Variants in SLC6A4 observed in about 807,000 individuals in gnomAD.
The protein encoded by SLC6A4 is solute carrier family 6 member 4.
In SLC6A4, 22 loss-of-function variants were observed where a neutral mutation model predicts 73.4. That is an observed-to-expected ratio of 0.30 (90% CI 0.21 to 0.43). The LOEUF (loss-of-function observed/expected upper bound fraction) is 0.43, where lower values mean the gene tolerates loss of function less well. Ranked by LOEUF, SLC6A4 falls within the 20% of genes least tolerant of loss-of-function variation. The pLI, the probability that SLC6A4 is intolerant of heterozygous loss-of-function variation, is 1.00. For missense variants in SLC6A4, 593 were observed against 808.5 expected, an observed-to-expected ratio of 0.73 and a Z score of 3.23; for synonymous variants, 270 against 315.5, an observed-to-expected ratio of 0.86 and a Z score of 1.53.
rs749582903 is a variant in SLC6A4, at chr17:30,209,346, TCC to T, written c.1450-106_1450-105del. 62 of 737,384 alleles carry T rather than the reference TCC, an allele frequency of 8.4e-5. No homozygotes were observed. In the East Asian group the frequency reaches 9.0e-4, roughly 11 times the overall value. The allele number at this position is 737,384 out of a possible 1,614,324, so 45.7% of individuals were successfully genotyped here. ...CTCACTTAGAATCATTCTGGAAAAA[TCC>T]CACCTGGGACCGAACGTGAGTACCC... is the stretch of plus-strand genomic sequence containing the variant. On this transcript the variant is annotated intron_variant, in intron 11 of 14. Coordinates refer to ENST00000650711, the MANE Select transcript of SLC6A4 (RefSeq NM_001045.6).
At chr17:30,221,493 C>A in intron 3 of SLC6A4, 123 bp downstream of exon 3, 1 of 726,082 alleles carries the variant, frequency 1.4e-6, no homozygotes. Flanking sequence ...CACAGCCCAT[C>A]CCAGGTCACA....
rs1277908759 is a variant in SLC6A4, at chr17:30,221,731, T to C, written c.228A>G (p.Gln76=). The part of the protein sequence containing the change: ...TTTTLVAELH[Q]GERETWGKKV... ...TCTTGCCCCAGGTCTCCCGTTCCCC[T>C]TGATGAAGCTCAGCCACTAGGGTGG... is the stretch of plus-strand genomic sequence containing the variant. Residue 76 remains glutamine, a synonymous_variant, in exon 3 of 15, where the codon CAA becomes CAG. Coordinates refer to ENST00000650711, the MANE Select transcript of SLC6A4 (RefSeq NM_001045.6). 1 of 1,614,148 alleles carries C rather than the reference T, an allele frequency of 6.2e-7. No homozygotes were observed. Among genetic ancestry groups the C allele is most frequent in the Non-Finnish European group, 8.5e-7 (1 of 1,180,018 alleles).
chr17:30,231,097 T>C (rs1907098705), intron 1 of SLC6A4, among the ~76,000 whole-genome samples: 1 of 152,106 alleles, frequency 6.6e-6, no homozygotes, highest in Non-Finnish European at 1.5e-5. Context: ...AATGGGAATA[T>C]GAGCTGTATG....
intron 1 of SLC6A4, among the ~76,000 whole-genome samples, chr17:30,230,140 G>GGAA (rs1331101428): frequency 2.0e-5 from 3 of 151,278 alleles, no homozygotes; most frequent in African/African-American, 2.4e-5. Context: ...AGGAGGAGGA[G>GGAA]GAGGAGGAGG....
chr17:30,211,448 G>T lies in SLC6A4; in HGVS notation c.1205-24C>A. On this transcript the variant is annotated intron_variant, in intron 9 of 14. Transcript: ENST00000650711. This position sits in a 1 kb window ranked among gnomAD's most constrained non-coding sequence, Gnocchi z 4.0. The stretch of plus-strand genomic sequence containing the variant: ...ACCTGAGACAGAGGGGAGAGAGGAG[G>T]AGGTGGTTGACAAGACCTGTCCTAC... 6.8e-7 allele frequency: 1 copy of T among 1,480,244 alleles called. No homozygotes were observed. The highest frequency in any genetic ancestry group is 9.5e-7 in the Non-Finnish European group (1 of 1,058,046). The allele number at this position is 1,480,244 out of a possible 1,614,324, so 91.7% of individuals were successfully genotyped here. A position where few individuals can be genotyped will look rare whatever the true frequency, so the allele number is the denominator to read the frequency against.
At chr17:30,205,334 TAAACAAAC>T (rs557648255) in intron 13 of SLC6A4, among the ~76,000 whole-genome samples, 9 of 152,224 alleles carry the variant, frequency 5.9e-5, no homozygotes, top group Admixed American at 3.3e-4. Flanking sequence ...AATATGGAAG[TAAACAAAC>T]AAACAAACAA....
chr17:30,209,008 CT>C lies in SLC6A4; in HGVS notation c.1549+134del, dbSNP rs1421514442. ...TGAGCCACCGCGCCTGGCCGAGACT[CT>C]TTTACAGACCCATCATCGGGAGGTC... On this transcript the variant is annotated intron_variant, in intron 12 of 14. Coordinates refer to ENST00000650711, the MANE Select transcript of SLC6A4 (RefSeq NM_001045.6). The C allele has an allele frequency of 3.5e-5, 21 of 603,232 alleles. No individual in the cohort carries two copies. In the Admixed American group the frequency reaches 4.7e-4, roughly 13 times the overall value. 37.4% of individuals were successfully genotyped at this position (603,232 alleles called of 1,614,324 possible). A position where few individuals can be genotyped will look rare whatever the true frequency, so the allele number is the denominator to read the frequency against.
chr17:30,203,302 A>T lies in SLC6A4; in HGVS notation c.1688T>A (p.Leu563Gln). The T allele has an allele frequency of 1.2e-6, 2 of 1,614,138 alleles. No homozygotes were observed. Among genetic ancestry groups the T allele is most frequent in the Non-Finnish European group, 1.7e-6 (2 of 1,179,954 alleles). ...ICSFLMSPPQ[L>Q]RLFQYNYPYW... The stretch of plus-strand genomic sequence containing the variant: ...AGGATAATTATATTGGAAAAGTCGT[A>T]GTTGTGGCGGGCTCATCAGAAAACT... The change falls in exon 14 of 15, where the codon CTA (leucine) becomes CAA (glutamine). Residue 563 changes from leucine (L) to glutamine (Q), a missense_variant. Physicochemically the swap from Leu to Gln is moderately radical, Grantham distance 113. Transcript: ENST00000650711.
chr17:30,228,801 G>A (rs56404307), intron 1 of SLC6A4, among the ~76,000 whole-genome samples: 121 of 152,242 alleles, frequency 7.9e-4, no homozygotes, highest in Admixed American at 6.2e-3. Flanking sequence ...TTTGTCACTC[G>A]CCATTGATTA....
intron 1 of SLC6A4, among the ~76,000 whole-genome samples, chr17:30,229,815 T>A (rs1907031205): frequency 6.6e-6 from 1 of 151,832 alleles, no homozygotes; most frequent in Admixed American, 6.6e-5. Context: ...GAGGTCAGAG[T>A]TCGAGACCAG....
rs1907225534 is a variant in SLC6A4 at position 30,235,017 on chromosome 17, T to C, written c.-221+596A>G. ...TCCTTCAACCACGTAGCACAGTCGT[T>C]GGAGTTGGAGTTTCACATACATTCT... On this transcript the variant is annotated intron_variant, in intron 1 of 14. Coordinates refer to ENST00000650711, the MANE Select transcript of SLC6A4 (RefSeq NM_001045.6). The surrounding 1 kb of genome is among the most constrained non-coding windows in gnomAD (Gnocchi z 4.5). Among the ~76,000 whole-genome samples, 4 of 152,084 alleles carry C rather than the reference T, an allele frequency of 2.6e-5. No individual in the cohort carries two copies. The highest frequency in any genetic ancestry group is 2.6e-4 in the Admixed American group (4 of 15,278).
In SLC6A4 at chr17:30,221,686, T is replaced by C. The variant is rs1378720744; in HGVS notation, c.273A>G (p.Ser91=). 6.2e-7 allele frequency: 1 copy of C among 1,614,132 alleles called. No homozygotes were observed. The highest frequency in any genetic ancestry group is 8.5e-7 in the Non-Finnish European group (1 of 1,180,004). ...CCAGGTCCACAGCATAGCCAATCAC[T>C]GAGAGAAGGAAATCCACCTTCTTGC... ...TWGKKVDFLL[S]VIGYAVDLGN... is the part of the protein sequence containing the mutation. The change falls in exon 3 of 15, where the codon TCA becomes TCG. Residue 91 remains serine, a synonymous_variant. Coordinates refer to ENST00000650711, the MANE Select transcript of SLC6A4 (RefSeq NM_001045.6).
chr17:30,230,125 G>GGAA lies in SLC6A4; in HGVS notation c.-221+5487_-221+5488insTTC, dbSNP rs1378152730. On this transcript the variant is annotated intron_variant, in intron 1 of 14. Transcript: ENST00000650711. ...AGGAAGAGGAAGAGGAAGAGGAAGA[G>GGAA]GAGGAGGAGGAGGAGGAGGAGGAGG... Among the ~76,000 whole-genome samples, 470 of 135,612 alleles carry GGAA rather than the reference G, an allele frequency of 3.5e-3. 4 individuals carry two copies. The highest frequency in any genetic ancestry group is 0.014 in the East Asian group (64 of 4,488). The allele number at this position is 135,612 out of a possible 152,430, so 89.0% of individuals were successfully genotyped here. A position where few individuals can be genotyped will look rare whatever the true frequency, so the allele number is the denominator to read the frequency against.
rs146979290 is a variant in SLC6A4, at chr17:30,215,152, C to T, written c.1076+459G>A. ...AAGATCTCAGCTCACTGCAACTTCTCGTGCCTCAGCCTCCCAAGTGGCTGT... is the reference window on the plus strand; with the variant it reads ...AAGATCTCAGCTCACTGCAACTTCTTGTGCCTCAGCCTCCCAAGTGGCTGT... On this transcript the variant is annotated intron_variant, in intron 8 of 14. Transcript: ENST00000650711. Among the ~76,000 whole-genome samples the T allele has an allele frequency of 7.6e-3, 1,157 of 152,050 alleles. 20 individuals carry two copies. Among genetic ancestry groups the T allele is most frequent in the African/African-American group, 0.027 (1,101 of 41,452 alleles).
intron 14 of SLC6A4, among the ~76,000 whole-genome samples, chr17:30,198,868 G>A (rs939540959): frequency 6.6e-6 from 1 of 152,274 alleles, no homozygotes; most frequent in East Asian, 1.9e-4. Context: ...TCTCTGGACA[G>A]AGGAGACTTC....
intron 1 of SLC6A4, among the ~76,000 whole-genome samples, chr17:30,232,887 C>T (rs1907155557): frequency 6.6e-6 from 1 of 152,226 alleles, no homozygotes; most frequent in Non-Finnish European, 1.5e-5. Flanking sequence ...CCAAAGTCAG[C>T]ACCGTGAGCT....
At chr17:30,214,654 A>AC (rs1906497937) in intron 8 of SLC6A4, among the ~76,000 whole-genome samples, 1 of 85,360 alleles carries the variant, frequency 1.2e-5, no homozygotes, top group Non-Finnish European at 2.2e-5. Flanking sequence ...TTTTTTTTTG[A>AC]TGGAATCTCA....
At chr17:30,221,491 A>C (rs1597642682) in intron 3 of SLC6A4, 125 bp downstream of exon 3, 3 of 426,166 alleles carry the variant, frequency 7.0e-6, no homozygotes, top group Non-Finnish European at 7.6e-6. Context: ...GTCACAGCCC[A>C]TCCCAGGTCA....
intron 13 of SLC6A4, 132 bp downstream of exon 13, chr17:30,207,600 G>A (rs550244068): frequency 1.3e-5 from 8 of 594,232 alleles, no homozygotes; most frequent in African/African-American, 3.8e-5. Flanking sequence ...CATGTTGGCC[G>A]CCTGCCTCAG....
Sources: gnomAD v4.1 joint callset for allele counts (sites outside exome capture counted in the v4.1 genomes callset) on GRCh38, gnomAD v4.1.1 for gene constraint, Gnocchi (gnomAD v3.1) non-coding constraint, MANE v1.5 for transcripts, NCBI Gene and HGNC (gene_info 2026-07-23, HGNC 2026-07-21) for gene names.